ZNF804B: variants seen among roughly 807,000 people sequenced by gnomAD.
ZNF804B encodes the protein zinc finger protein 804B, also known as zinc finger 804B.
Under a neutral mutation model 101.4 loss-of-function variants are expected in ZNF804B, and 80 were observed. The observed-to-expected ratio is 0.79, with a 90% CI of 0.66 to 0.95. The LOEUF is 0.95. ZNF804B is among the 40% of genes least tolerant of loss of function. The probability of loss-of-function intolerance (pLI) is 0.00; values close to 1 mark genes in which losing one functional copy is unlikely to be tolerated. For missense variants in ZNF804B, 1,673 were observed against 1,561.9 expected, an observed-to-expected ratio of 1.07 and a Z score of -1.20; for synonymous variants, 622 against 558.8, an observed-to-expected ratio of 1.11 and a Z score of -1.59.
chr7:89,192,370 T>G (rs1197034336), intron 1 of ZNF804B, among the ~76,000 whole-genome samples: 1 of 151,716 alleles, frequency 6.6e-6, no homozygotes, highest in Non-Finnish European at 1.5e-5. Context: ...CACAGGGGAA[T>G]GGATAAAAAA....
intron 1 of ZNF804B, among the ~76,000 whole-genome samples, chr7:88,798,222 C>T (rs921446308): frequency 6.6e-6 from 1 of 152,052 alleles, no homozygotes; most frequent in Non-Finnish European, 1.5e-5. Flanking sequence ...GCTTAGTGGT[C>T]ATCTTTTCTC....
intron 1 of ZNF804B, among the ~76,000 whole-genome samples, chr7:89,029,991 AGGGTTGT>A (rs1460956154): frequency 6.6e-6 from 1 of 152,208 alleles, no homozygotes; most frequent in Non-Finnish European, 1.5e-5. Context: ...TAAATATATC[AGGGTTGT>A]GGTTACGTTA....
intron 2 of ZNF804B, among the ~76,000 whole-genome samples, chr7:89,245,728 A>G (rs930997562): frequency 1.3e-5 from 2 of 152,198 alleles, no homozygotes; most frequent in African/African-American, 4.8e-5. Context: ...GATTCAAGAA[A>G]GACAATGGGA....
chr7:88,914,043 C>T (rs555064883), intron 1 of ZNF804B, among the ~76,000 whole-genome samples: 6 of 152,110 alleles, frequency 3.9e-5, no homozygotes, highest in Non-Finnish European at 7.4e-5. Context: ...GAGAGAAAGT[C>T]CTTCTGCCTC....
At chr7:89,273,340 A>T (rs1458075221) in intron 2 of ZNF804B, among the ~76,000 whole-genome samples, 2 of 151,960 alleles carry the variant, frequency 1.3e-5, no homozygotes, top group Non-Finnish European at 2.9e-5. Flanking sequence ...TTTCAAAAAA[A>T]TGGTTTCATC....
intron 2 of ZNF804B, among the ~76,000 whole-genome samples, chr7:89,321,446 T>C (rs1232792846): frequency 1.3e-5 from 2 of 152,108 alleles, no homozygotes; most frequent in Non-Finnish European, 2.9e-5. Context: ...ACCACTGTAC[T>C]CCAGCTTGGG....
At chr7:89,008,279 A>C (rs1185759383) in intron 1 of ZNF804B, among the ~76,000 whole-genome samples, 1 of 152,142 alleles carries the variant, frequency 6.6e-6, no homozygotes, top group Non-Finnish European at 1.5e-5. Context: ...TTCATTACAC[A>C]AAAAACCAAA....
intron 1 of ZNF804B, among the ~76,000 whole-genome samples, chr7:89,045,277 G>T (rs1471684121): frequency 6.6e-6 from 1 of 152,232 alleles, no homozygotes. Context: ...CCAGGCAGAA[G>T]TCTGCTGCAG....
intron 1 of ZNF804B, among the ~76,000 whole-genome samples, chr7:88,966,778 A>G (rs973136827): frequency 1.3e-5 from 2 of 151,542 alleles, no homozygotes; most frequent in African/African-American, 4.8e-5. Context: ...ACACACAAAC[A>G]CACACAATAC....
Position 88,895,195 on chromosome 7 carries a change from A to G in ZNF804B, c.108+135111A>G, listed in dbSNP as rs1232031946. On this transcript the variant is annotated intron_variant, in intron 1 of 3. Coordinates refer to ENST00000333190, the MANE Select transcript of ZNF804B (RefSeq NM_181646.5). ...GTATATAACTACTAGGTTCTAGTTGACAATGTTGGTTCTCACATTAGAAAT... is the reference window on the plus strand; with the variant it reads ...GTATATAACTACTAGGTTCTAGTTGGCAATGTTGGTTCTCACATTAGAAAT... Among the ~76,000 whole-genome samples the G allele has an allele frequency of 2.6e-5, 4 of 152,236 alleles. No individual in the cohort carries two copies. In the East Asian group the frequency reaches 7.7e-4, roughly 29 times the overall value.
At chr7:89,106,750 G>A (rs1790142632) in intron 1 of ZNF804B, among the ~76,000 whole-genome samples, 1 of 152,118 alleles carries the variant, frequency 6.6e-6, no homozygotes, top group African/African-American at 2.4e-5. Flanking sequence ...TGTGAATAAA[G>A]AGATAGGTAA....
At chr7:89,063,216 TTTTC>T (rs1191708826) in intron 1 of ZNF804B, among the ~76,000 whole-genome samples, 13 of 152,272 alleles carry the variant, frequency 8.5e-5, no homozygotes, top group Admixed American at 7.9e-4. Flanking sequence ...CTATATATTT[TTTTC>T]TTTATCATCA....
intron 2 of ZNF804B, among the ~76,000 whole-genome samples, chr7:89,248,871 A>G (rs1789491139): frequency 6.6e-6 from 1 of 152,102 alleles, no homozygotes; most frequent in Admixed American, 6.5e-5. Context: ...CAGAAGATCC[A>G]TGTATCTGCT....
chr7:89,055,236 T>C (rs1789272575), intron 1 of ZNF804B, among the ~76,000 whole-genome samples: 1 of 152,072 alleles, frequency 6.6e-6, no homozygotes, highest in African/African-American at 2.4e-5. Context: ...AGGAGGCTTA[T>C]GTGACTGGAA....
At chr7:88,926,645 A>C (rs1385000412) in intron 1 of ZNF804B, among the ~76,000 whole-genome samples, 1 of 152,012 alleles carries the variant, frequency 6.6e-6, no homozygotes, top group Non-Finnish European at 1.5e-5. Flanking sequence ...ATTAATTAAA[A>C]GGAACTGTCT....
At chr7:89,009,887 GT>G (rs1788428819) in intron 1 of ZNF804B, among the ~76,000 whole-genome samples, 1 of 152,164 alleles carries the variant, frequency 6.6e-6, no homozygotes, top group African/African-American at 2.4e-5. Context: ...AACTAAGGCA[GT>G]GTTAACACAT....
chr7:88,903,232 G>A (rs1343470563), intron 1 of ZNF804B, among the ~76,000 whole-genome samples: 2 of 152,072 alleles, frequency 1.3e-5, no homozygotes, highest in Admixed American at 1.3e-4. Flanking sequence ...TTGTCTTAGG[G>A]GATTATGGCC....
At chr7:88,854,845 A>G (rs1305379357) in intron 1 of ZNF804B, among the ~76,000 whole-genome samples, 1 of 144,762 alleles carries the variant, frequency 6.9e-6, no homozygotes, top group African/African-American at 2.6e-5. Flanking sequence ...ATGAGTGAGA[A>G]CACGTGGTGT....
At chr7:88,928,758 G>C (rs1792842479) in intron 1 of ZNF804B, among the ~76,000 whole-genome samples, 1 of 152,200 alleles carries the variant, frequency 6.6e-6, no homozygotes, top group East Asian at 1.9e-4. Context: ...AAAGTGTTCT[G>C]TAATGTGCAA....
Sources: allele counts gnomAD v4.1 joint callset (sites outside exome capture counted in the v4.1 genomes callset), GRCh38; gene constraint gnomAD v4.1.1; transcripts MANE v1.5; gene names NCBI Gene and HGNC (gene_info 2026-07-23, HGNC 2026-07-21).